ATF7IP: variants seen among roughly 807,000 people sequenced by gnomAD.
The protein encoded by ATF7IP is activating transcription factor 7 interacting protein.
Under a neutral mutation model 106.4 loss-of-function variants are expected in ATF7IP, and 23 were observed. The ratio of observed to expected loss-of-function variants is 0.22; its 90% CI spans 0.16 to 0.31. ATF7IP has a LOEUF of 0.31. ATF7IP is among the 10% of genes least tolerant of loss of function. The pLI is 1.00. For synonymous variants in ATF7IP, 542 were observed against 539.0 expected (o/e 1.01, Z -0.08); for missense variants, 1,334 against 1,524.3 (o/e 0.88, Z 2.08).
chr12:14,478,063 C>T (rs1248329514), intron 11 of ATF7IP, among the ~76,000 whole-genome samples: 1 of 152,116 alleles, frequency 6.6e-6, no homozygotes, highest in Admixed American at 6.6e-5. Flanking sequence ...TACTGATTTA[C>T]AAGTAAGATT....
intron 1 of ATF7IP, among the ~76,000 whole-genome samples, chr12:14,370,131 T>G (rs1255193671): frequency 6.6e-6 from 1 of 152,124 alleles, no homozygotes; most frequent in African/African-American, 2.4e-5. Context: ...GAGACGAGGT[T>G]TCTCCATATT....
intron 13 of ATF7IP, among the ~76,000 whole-genome samples, chr12:14,484,195 C>T (rs2136824797): frequency 6.6e-6 from 1 of 152,218 alleles, no homozygotes; most frequent in East Asian, 1.9e-4. Context: ...ATAGTCAGGT[C>T]AGCCTTGGTA....
intron 1 of ATF7IP, chr12:14,385,407 A>G: frequency 1.3e-6 from 2 of 1,532,822 alleles, no homozygotes; most frequent in Non-Finnish European, 1.7e-6. Context: ...AGAGGTAAGA[A>G]CCAATTACTC....
In ATF7IP at chr12:14,466,577, A is replaced by T. The variant is rs1220553614; in HGVS notation, c.2849A>T (p.Asp950Val). 6.2e-7 allele frequency: 1 copy of T among 1,604,718 alleles called. No homozygotes were observed. Among genetic ancestry groups the T allele is most frequent in the Non-Finnish European group, 8.5e-7 (1 of 1,176,746 alleles). The part of the protein sequence containing the change: ...IDASVSKKAA[D>V]STSQCGKATG... ...GCTTCTGTCAGTAAGAAAGCAGCTG[A>T]TAGCACATCACAGGTAAGATTTTTC... is the stretch of plus-strand genomic sequence containing the variant. Residue 950 changes from aspartate (D) to valine (V), a missense_variant, in exon 10 of 15, where the codon GAT (aspartate) becomes GTT (valine). Asp to Val is a radical substitution (Grantham distance 152). This residue lies in a region of ATF7IP where 370 missense variants were observed against 401.2 expected (regional missense o/e 0.92). Coordinates refer to ENST00000261168, the MANE Select transcript of ATF7IP (RefSeq NM_018179.5).
intron 1 of ATF7IP, among the ~76,000 whole-genome samples, chr12:14,416,340 A>G (rs562884563): frequency 1.3e-5 from 2 of 152,200 alleles, no homozygotes; most frequent in African/African-American, 2.4e-5. Flanking sequence ...TAGAAAAATG[A>G]ATGAAATTTT....
Position 14,424,268 on chromosome 12 carries a change from C to G in ATF7IP, c.353C>G (p.Thr118Ser). The G allele has an allele frequency of 1.2e-6, 2 of 1,614,226 alleles. No homozygotes were observed. The highest frequency in any genetic ancestry group is 1.7e-6 in the Non-Finnish European group (2 of 1,180,042). ...GAACCTTTGTCTCCCCATAATATAACTCCAGAACCAGTCTCTAAACTGCCT... is the reference window on the plus strand; with the variant it reads ...GAACCTTTGTCTCCCCATAATATAAGTCCAGAACCAGTCTCTAAACTGCCT... ...NCEPLSPHNI[T>S]PEPVSKLPAE... Residue 118 changes from threonine to serine, a missense_variant, in exon 2 of 15, where the codon ACT (threonine) becomes AGT (serine). Thr to Ser is a moderately conservative substitution (Grantham distance 58). Coordinates refer to ENST00000261168, the MANE Select transcript of ATF7IP (RefSeq NM_018179.5).
chr12:14,375,264 A>T (rs1400784634), intron 1 of ATF7IP, among the ~76,000 whole-genome samples: 4 of 152,044 alleles, frequency 2.6e-5, no homozygotes, highest in African/African-American at 9.7e-5. Context: ...TACCCACATG[A>T]TGAATTGTCA....
At chr12:14,369,738 CATATT>C (rs1304906617) in intron 1 of ATF7IP, among the ~76,000 whole-genome samples, 1 of 152,140 alleles carries the variant, frequency 6.6e-6, no homozygotes, top group African/African-American at 2.4e-5. Flanking sequence ...TGTGTTTTGA[CATATT>C]GTGTGTTAAG....
intron 2 of ATF7IP, 70 bp from the exon 3 acceptor site, chr12:14,434,267 A>C: frequency 1.0e-6 from 1 of 989,146 alleles, no homozygotes; most frequent in Non-Finnish European, 1.5e-6. Context: ...ATAGTGACTA[A>C]AAATGTAAAT....
intron 5 of ATF7IP, among the ~76,000 whole-genome samples, chr12:14,440,911 T>C (rs1054130638): frequency 2.0e-5 from 3 of 152,216 alleles, no homozygotes; most frequent in Admixed American, 6.5e-5. Context: ...CAGTACTTCA[T>C]TCCTTCTTAG....
chr12:14,459,972 A>G (rs915049002), intron 8 of ATF7IP, among the ~76,000 whole-genome samples: 1 of 152,172 alleles, frequency 6.6e-6, no homozygotes, highest in African/African-American at 2.4e-5. Flanking sequence ...TTCCTCTCCC[A>G]AGGAATTCAA....
intron 1 of ATF7IP, among the ~76,000 whole-genome samples, chr12:14,384,484 T>C (rs1939127809): frequency 1.3e-5 from 2 of 152,222 alleles, no homozygotes; most frequent in Admixed American, 1.3e-4. Context: ...TGTTTTTATT[T>C]GCTTTTCACT....
chr12:14,377,495 A>T (rs902560487), intron 1 of ATF7IP, among the ~76,000 whole-genome samples: 1 of 151,460 alleles, frequency 6.6e-6, no homozygotes, highest in African/African-American at 2.4e-5. Context: ...AGCTGGGACT[A>T]CAGGCACCAG....
At chr12:14,433,192 A>T (rs2136602981) in intron 2 of ATF7IP, among the ~76,000 whole-genome samples, 1 of 152,146 alleles carries the variant, frequency 6.6e-6, no homozygotes. Context: ...AACATGGTGA[A>T]ATCCTGTCTC....
At chr12:14,435,395 T>G (rs1347272928) in intron 3 of ATF7IP, among the ~76,000 whole-genome samples, 2 of 152,174 alleles carry the variant, frequency 1.3e-5, no homozygotes. Context: ...GGGATAGGCA[T>G]GGTCACATAA....
At chr12:14,422,421 T>A (rs1022844629) in intron 1 of ATF7IP, among the ~76,000 whole-genome samples, 5 of 152,022 alleles carry the variant, frequency 3.3e-5, no homozygotes, top group African/African-American at 1.2e-4. Context: ...ACATATCTAC[T>A]ATTCACCCAC....
chr12:14,412,051 C>T (rs910172567), intron 1 of ATF7IP, among the ~76,000 whole-genome samples: 1 of 152,064 alleles, frequency 6.6e-6, no homozygotes, highest in Non-Finnish European at 1.5e-5. Context: ...TATTCTTTCC[C>T]CATTGAATGG....
chr12:14,486,968 C>G (rs1204612406), intron 13 of ATF7IP, among the ~76,000 whole-genome samples: 2 of 152,166 alleles, frequency 1.3e-5, no homozygotes, highest in East Asian at 3.9e-4. Context: ...GGATGACTAG[C>G]TCTAAAGTGA....
intron 1 of ATF7IP, among the ~76,000 whole-genome samples, chr12:14,371,729 AAT>A (rs1399372552): frequency 2.2e-4 from 34 of 152,256 alleles, no homozygotes; most frequent in African/African-American, 7.7e-4. Flanking sequence ...TGATTTTATT[AAT>A]GATTCTGAAT....
Sources: gnomAD v4.1 joint callset for allele counts (sites outside exome capture counted in the v4.1 genomes callset) on GRCh38, gnomAD v4.1.1 for gene constraint, gnomAD v4.1.1 regional missense constraint, MANE v1.5 for transcripts, NCBI Gene and HGNC (gene_info 2026-07-23, HGNC 2026-07-21) for gene names.